Variants in TMEM71 observed in about 807,000 individuals in gnomAD.
TMEM71 encodes transmembrane protein 71.
Under a neutral mutation model 38.0 loss-of-function variants are expected in TMEM71, and 44 were observed. The ratio of observed to expected loss-of-function variants is 1.16; its 90% CI spans 0.91 to 1.49. The LOEUF (loss-of-function observed/expected upper bound fraction) is 1.49. TMEM71 is among the 40% of genes most tolerant of loss of function. The probability of loss-of-function intolerance (pLI) is 0.00; values close to 1 mark genes in which losing one functional copy is unlikely to be tolerated. For synonymous variants in TMEM71, 133 were observed against 122.5 expected (o/e 1.09, Z -0.56); for missense variants, 367 against 348.6 (o/e 1.05, Z -0.42).
intron 4 of TMEM71, among the ~76,000 whole-genome samples, chr8:132,750,717 GA>G (rs973979801): frequency 6.6e-6 from 1 of 152,136 alleles, no homozygotes; most frequent in Non-Finnish European, 1.5e-5. Flanking sequence ...AAATGAATGT[GA>G]TTATCCCAAT....
chr8:132,725,833 G>A (rs1354514103), intron 6 of TMEM71, among the ~76,000 whole-genome samples: 1 of 152,182 alleles, frequency 6.6e-6, no homozygotes, highest in Non-Finnish European at 1.5e-5. Flanking sequence ...AGAGTAGGAG[G>A]CCACCCAGGT....
Position 132,716,033 on chromosome 8 carries a change from G to A in TMEM71, c.753-1818C>T, listed in dbSNP as rs182026090. On this transcript the variant is annotated intron_variant, in intron 7 of 9. Transcript: ENST00000677595. ...TGGCCAGGGTTGTGGGCTTCGCAGA[G>A]CCCGAGGGAGCCGAGAACAGGAGGG... Among the ~76,000 whole-genome samples the A allele has an allele frequency of 1.8e-4, 27 of 152,284 alleles. No homozygotes were observed. In the East Asian group the frequency reaches 5.0e-3, roughly 28 times the overall value.
intron 5 of TMEM71, among the ~76,000 whole-genome samples, chr8:132,729,959 ATTT>A (rs71930737): frequency 1.4e-5 from 2 of 144,320 alleles, no homozygotes; most frequent in African/African-American, 2.6e-5. Flanking sequence ...TTTCAGTTAA[ATTT>A]TTTTTTTTTT....
chr8:132,772,530 A>G, the TMEM71 span, among the ~76,000 whole-genome samples: 1 of 152,132 alleles, frequency 6.6e-6, no homozygotes, highest in African/African-American at 2.4e-5. Context: ...CTTTGACTCT[A>G]TGTGGTTAAA....
the TMEM71 span, among the ~76,000 whole-genome samples, chr8:132,773,696 G>C: frequency 6.6e-6 from 1 of 152,098 alleles, no homozygotes; most frequent in African/African-American, 2.4e-5. Context: ...AACATCATTA[G>C]CAACTTCTGA....
intron 3 of TMEM71, among the ~76,000 whole-genome samples, chr8:132,756,411 T>TATATATATATATA (rs1554619985): frequency 4.3e-4 from 50 of 115,812 alleles, no homozygotes; most frequent in Admixed American, 1.7e-3. Flanking sequence ...AACATATATA[T>TATATATATATATA]TATATATATA....
At chr8:132,720,067 A>T (rs1462386908) in intron 7 of TMEM71, among the ~76,000 whole-genome samples, 2 of 151,942 alleles carry the variant, frequency 1.3e-5, no homozygotes, top group African/African-American at 4.8e-5. Context: ...CTTTTGGCAG[A>T]CTGGGATGTG....
chr8:132,719,741 G>A (rs1157167251), intron 7 of TMEM71, among the ~76,000 whole-genome samples: 1 of 152,140 alleles, frequency 6.6e-6, no homozygotes, highest in Non-Finnish European at 1.5e-5. Context: ...TTAGGACAGA[G>A]GGTTCTCATG....
intron 3 of TMEM71, among the ~76,000 whole-genome samples, chr8:132,754,065 T>C (rs1230546417): frequency 6.6e-6 from 1 of 152,162 alleles, no homozygotes; most frequent in African/African-American, 2.4e-5. Context: ...TTTCTCTGAG[T>C]ATTCTCCACT....
At chr8:132,768,347 T>A in the TMEM71 span, among the ~76,000 whole-genome samples, 1 of 152,146 alleles carries the variant, frequency 6.6e-6, no homozygotes, top group South Asian at 2.1e-4. Context: ...TCTTTTACTT[T>A]AAAAAATGTT....
intron 5 of TMEM71, among the ~76,000 whole-genome samples, chr8:132,746,466 T>TATACATATACATATATATATAC (rs1828381577): frequency 3.1e-4 from 5 of 16,148 alleles, no homozygotes; most frequent in South Asian, 3.1e-3. Flanking sequence ...TATATATACA[T>TATACATATACATATATATATAC]ATATATATAC....
At chr8:132,753,571 A>G (rs1828847336) in intron 3 of TMEM71, among the ~76,000 whole-genome samples, 1 of 152,076 alleles carries the variant, frequency 6.6e-6, no homozygotes, top group African/African-American at 2.4e-5. Context: ...ACCTTCAGTA[A>G]GAAGGACCCC....
intron 3 of TMEM71, among the ~76,000 whole-genome samples, chr8:132,754,700 T>A (rs1828909592): frequency 6.6e-6 from 1 of 152,250 alleles, no homozygotes; most frequent in Non-Finnish European, 1.5e-5. Context: ...TTTTGTGCTG[T>A]TAGAATTTTG....
chr8:132,708,611 C>G (rs571551819), downstream of TMEM71, among the ~76,000 whole-genome samples: 14 of 152,280 alleles, frequency 9.2e-5, no homozygotes, highest in African/African-American at 2.6e-4. Flanking sequence ...CTGGGGAAGG[C>G]CTTAGCCATT....
chr8:132,734,022 G>C (rs1460690727), intron 5 of TMEM71, among the ~76,000 whole-genome samples: 1 of 152,076 alleles, frequency 6.6e-6, no homozygotes, highest in Non-Finnish European at 1.5e-5. Flanking sequence ...GGGAAATTGG[G>C]AGCCATTGTT....
intron 1 of TMEM71, chr8:132,760,187 G>GAAAAAAAA (rs35644928): frequency 6.7e-6 from 1 of 149,100 alleles, no homozygotes. Context: ...GTAACAGTAG[G>GAAAAAAAA]AAAAAAAAAA....
chr8:132,775,537 G>T, the TMEM71 span: 14 of 371,124 alleles, frequency 3.8e-5, no homozygotes, highest in African/African-American at 8.5e-5. Flanking sequence ...CTCCCTCCCC[G>T]GCCGCTGCCT....
At chr8:132,720,221 C>T (rs1403242044) in intron 7 of TMEM71, among the ~76,000 whole-genome samples, 1 of 152,040 alleles carries the variant, frequency 6.6e-6, no homozygotes, top group African/African-American at 2.4e-5. Context: ...CCTTTCTTAC[C>T]CCCTTCCTTA....
intron 5 of TMEM71, among the ~76,000 whole-genome samples, chr8:132,744,318 A>G (rs989941003): frequency 6.6e-6 from 1 of 152,188 alleles, no homozygotes; most frequent in African/African-American, 2.4e-5. Context: ...CATCTTTAAA[A>G]TATACTTTGA....
Sources: gnomAD v4.1 joint callset for allele counts (sites outside exome capture counted in the v4.1 genomes callset) on GRCh38, gnomAD v4.1.1 for gene constraint, MANE v1.5 for transcripts, NCBI Gene and HGNC (gene_info 2026-07-23, HGNC 2026-07-21) for gene names.